Variants in IGSF6 observed in about 807,000 individuals in gnomAD.
IGSF6 encodes the protein down-regulated by activation (immunoglobulin superfamily).
IGSF6 carries 23 observed loss-of-function variants against 24.7 expected under a neutral mutation model. The observed-to-expected ratio is 0.93, with a 90% CI of 0.67 to 1.32. IGSF6 has a LOEUF of 1.32. Ranked by LOEUF, IGSF6 falls within the 40% of genes most tolerant of loss-of-function variation. IGSF6 has a pLI of 0.00. For synonymous variants in IGSF6, 110 were observed against 113.7 expected, an observed-to-expected ratio of 0.97 and a Z score of 0.21; for missense variants, 295 against 293.6, an observed-to-expected ratio of 1.00 and a Z score of -0.04.
chr16:21,647,348 C>A lies in IGSF6; in HGVS notation c.212G>T (p.Gly71Val). ...EQPTCLWFRY[G>V]AHQPENLCLD... The stretch of plus-strand genomic sequence containing the variant: ...GCACAGGTTCTCAGGCTGGTGAGCA[C>A]CGTAGCGAAACCACAGGCATGTTGG... The change falls in exon 2 of 6, where the codon GGT (glycine) becomes GTT (valine). Residue 71 changes from glycine to valine, a missense_variant. Coordinates refer to ENST00000268389, the MANE Select transcript of IGSF6 (RefSeq NM_005849.4). The A allele has an allele frequency of 6.2e-7, 1 of 1,614,204 alleles. No individual in the cohort carries two copies. Among genetic ancestry groups the A allele is most frequent in the Non-Finnish European group, 8.5e-7 (1 of 1,180,024 alleles).
chr16:21,650,899 G>A (rs1966555602), intron 1 of IGSF6, among the ~76,000 whole-genome samples: 1 of 152,106 alleles, frequency 6.6e-6, no homozygotes, highest in African/African-American at 2.4e-5. Context: ...CTCCATGGAG[G>A]GAATAGAAAG....
At chr16:21,647,934 G>T (rs1213059954) in intron 1 of IGSF6, among the ~76,000 whole-genome samples, 1 of 152,200 alleles carries the variant, frequency 6.6e-6, no homozygotes, top group Non-Finnish European at 1.5e-5. Context: ...CCAGACGAAC[G>T]TTGCTGCCGC....
At chr16:21,644,068 A>C (rs1379241520) in intron 3 of IGSF6, among the ~76,000 whole-genome samples, 1 of 152,150 alleles carries the variant, frequency 6.6e-6, no homozygotes, top group Non-Finnish European at 1.5e-5. Flanking sequence ...TTAAAGAGAA[A>C]ACAGCAAACT....
At chr16:21,645,370 T>C (rs951754698) in intron 2 of IGSF6, among the ~76,000 whole-genome samples, 2 of 152,102 alleles carry the variant, frequency 1.3e-5, no homozygotes, top group Non-Finnish European at 2.9e-5. Flanking sequence ...GGAGAATCGC[T>C]TGAACCCGGA....
chr16:21,646,907 C>A (rs970625693), intron 2 of IGSF6: 10 of 546,296 alleles, frequency 1.8e-5, no homozygotes, highest in Admixed American at 1.4e-4. Flanking sequence ...TCGTCCACCT[C>A]AGCCTCAAAG....
chr16:21,646,735 A>G (rs1042845445), intron 2 of IGSF6: 3 of 297,050 alleles, frequency 1.0e-5, no homozygotes, highest in African/African-American at 6.6e-5. Context: ...GTTCACTGCA[A>G]CCTTCGCCTC....
chr16:21,643,759 A>G (rs188012693), intron 3 of IGSF6, among the ~76,000 whole-genome samples, 161 bp from the exon 4 acceptor site: 101 of 152,314 alleles, frequency 6.6e-4, no homozygotes, highest in Middle Eastern at 6.8e-3. Flanking sequence ...ACTCCATTAA[A>G]AACTAATTGA....
intron 1 of IGSF6, 52 bp from the exon 2 acceptor site, chr16:21,647,544 G>C: frequency 6.5e-7 from 1 of 1,550,262 alleles, no homozygotes; most frequent in Non-Finnish European, 8.7e-7. Context: ...CTCACTTTGT[G>C]CTTTTATTAT....
intron 2 of IGSF6, 124 bp from the exon 3 acceptor site, chr16:21,644,520 C>T (rs1481729206): frequency 4.7e-6 from 3 of 632,792 alleles, no homozygotes; most frequent in Non-Finnish European, 8.3e-6. Flanking sequence ...CTTGCCTATT[C>T]GTATAAAAAC....
In IGSF6 at chr16:21,649,423, C is replaced by T. The variant is rs138925273; in HGVS notation, c.68-1931G>A. The stretch of plus-strand genomic sequence containing the variant: ...GAGGAGGCCTGCAAGCTTCTCTGAG[C>T]TTCGTGTCTGTGGGAGGCCCAGCTC... On this transcript the variant is annotated intron_variant, in intron 1 of 5. Coordinates refer to ENST00000268389, the MANE Select transcript of IGSF6 (RefSeq NM_005849.4). Among the ~76,000 whole-genome samples, 92 of 152,280 alleles carry T rather than the reference C, an allele frequency of 6.0e-4. 1 individual carries two copies. Among genetic ancestry groups the T allele is most frequent in the African/African-American group, 2.0e-3 (84 of 41,554 alleles).
intron 1 of IGSF6, 90 bp from the exon 2 acceptor site, chr16:21,647,582 C>T: frequency 1.4e-6 from 2 of 1,473,308 alleles, no homozygotes; most frequent in Non-Finnish European, 1.8e-6. Flanking sequence ...CCCAGCCATT[C>T]TGTTATTTTT....
At chr16:21,647,968 G>A (rs191348648) in intron 1 of IGSF6, among the ~76,000 whole-genome samples, 3 of 152,294 alleles carry the variant, frequency 2.0e-5, no homozygotes, top group South Asian at 4.1e-4. Context: ...GAGCAGCAGC[G>A]ATGTTTGTGC....
intron 2 of IGSF6, among the ~76,000 whole-genome samples, chr16:21,645,532 G>A (rs1387412710): frequency 6.6e-6 from 1 of 152,144 alleles, no homozygotes; most frequent in Non-Finnish European, 1.5e-5. Context: ...TTTTATTTGT[G>A]AAACTAACAA....
intron 5 of IGSF6, among the ~76,000 whole-genome samples, chr16:21,642,686 C>G (rs1966304209): frequency 6.6e-6 from 1 of 151,986 alleles, no homozygotes; most frequent in South Asian, 2.1e-4. Flanking sequence ...TTATAAGTAA[C>G]AAGTAATTTT....
intron 4 of IGSF6, 85 bp from the exon 5 acceptor site, chr16:21,643,239 A>G (rs1966325139): frequency 9.8e-7 from 1 of 1,023,530 alleles, no homozygotes; most frequent in Non-Finnish European, 1.5e-6. Flanking sequence ...TTCTTGCTCT[A>G]TTGCCACCGG....
At chr16:21,644,555 T>G (rs1966372690) in intron 2 of IGSF6, among the ~76,000 whole-genome samples, 159 bp from the exon 3 acceptor site, 1 of 152,192 alleles carries the variant, frequency 6.6e-6, no homozygotes, top group African/African-American at 2.4e-5. Flanking sequence ...TACTCAAGTA[T>G]GTAATAGTTA....
chr16:21,646,036 A>G (rs1323294476), intron 2 of IGSF6, among the ~76,000 whole-genome samples: 1 of 152,172 alleles, frequency 6.6e-6, no homozygotes, highest in Non-Finnish European at 1.5e-5. Flanking sequence ...TTCATGTTTT[A>G]ACAATCTCTG....
intron 1 of IGSF6, among the ~76,000 whole-genome samples, chr16:21,650,994 C>T (rs953331409): frequency 2.0e-5 from 3 of 152,150 alleles, no homozygotes; most frequent in Admixed American, 6.5e-5. Context: ...GAGGCCGAGG[C>T]GGGCGGATCA....
intron 3 of IGSF6, 98 bp downstream of exon 3, chr16:21,644,192 C>T: frequency 1.2e-6 from 1 of 839,114 alleles, no homozygotes; most frequent in Non-Finnish European, 2.0e-6. Flanking sequence ...TTAGGGAGCT[C>T]TTGCTGAGGC....
Sources: gnomAD v4.1 joint callset for allele counts (sites outside exome capture counted in the v4.1 genomes callset) on GRCh38, gnomAD v4.1.1 for gene constraint, MANE v1.5 for transcripts, NCBI Gene and HGNC (gene_info 2026-07-23, HGNC 2026-07-21) for gene names.